PDCD1LG2: variants seen among roughly 807,000 people sequenced by gnomAD.
PDCD1LG2 encodes programmed cell death 1 ligand 2.
In PDCD1LG2, 32 loss-of-function variants were observed where a neutral mutation model predicts 28.2. The observed-to-expected ratio is 1.13, with a 90% CI of 0.86 to 1.52. PDCD1LG2 has a LOEUF of 1.52. PDCD1LG2 is among the 40% of genes most tolerant of loss of function. The pLI, the probability that PDCD1LG2 is intolerant of heterozygous loss-of-function variation, is 0.00. For missense variants in PDCD1LG2, 385 were observed against 323.8 expected, an observed-to-expected ratio of 1.19 and a Z score of -1.45; for synonymous variants, 116 against 120.2, an observed-to-expected ratio of 0.97 and a Z score of 0.23.
intron 1 of PDCD1LG2, among the ~76,000 whole-genome samples, 165 bp from the exon 2 acceptor site, chr9:5,522,368 C>A (rs147035034): frequency 6.6e-6 from 1 of 152,168 alleles, no homozygotes; most frequent in Non-Finnish European, 1.5e-5. Context: ...TATATCTTCT[C>A]TTCTCCAGGA....
At chr9:5,532,230 G>C (rs1563824771) in intron 2 of PDCD1LG2, among the ~76,000 whole-genome samples, 3 of 152,170 alleles carry the variant, frequency 2.0e-5, no homozygotes, top group Non-Finnish European at 4.4e-5. Context: ...CCCTGCCCCT[G>C]TGCCCCTCCT....
intron 3 of PDCD1LG2, among the ~76,000 whole-genome samples, chr9:5,540,962 C>T (rs575081151): frequency 4.6e-5 from 7 of 152,252 alleles, no homozygotes; most frequent in Non-Finnish European, 8.8e-5. Flanking sequence ...TAAAAATCCT[C>T]AACAAAATAC....
intron 3 of PDCD1LG2, among the ~76,000 whole-genome samples, chr9:5,547,483 T>C (rs1477837384): frequency 6.6e-6 from 1 of 152,252 alleles, no homozygotes. Context: ...TTTGTTCTTG[T>C]GTCTTCTAGT....
chr9:5,542,517 A>T (rs1820706075), intron 3 of PDCD1LG2, among the ~76,000 whole-genome samples: 2 of 152,210 alleles, frequency 1.3e-5, no homozygotes, highest in Non-Finnish European at 2.9e-5. Flanking sequence ...CCATCAAAAA[A>T]TGGGCTAAGG....
At chr9:5,512,277 C>T (rs1015986439) in intron 1 of PDCD1LG2, among the ~76,000 whole-genome samples, 3 of 152,130 alleles carry the variant, frequency 2.0e-5, no homozygotes, top group African/African-American at 2.4e-5. Flanking sequence ...TAGCTGGGCT[C>T]GATAACCTTC....
chr9:5,519,778 C>T (rs1820239563), intron 1 of PDCD1LG2, among the ~76,000 whole-genome samples: 1 of 152,162 alleles, frequency 6.6e-6, no homozygotes, highest in Non-Finnish European at 1.5e-5. Context: ...CCTTAATTTG[C>T]TTCTCCCCCA....
chr9:5,513,634 A>G (rs1209618233), intron 1 of PDCD1LG2, among the ~76,000 whole-genome samples: 2 of 152,220 alleles, frequency 1.3e-5, no homozygotes, highest in Non-Finnish European at 2.9e-5. Flanking sequence ...ATTTGAACTT[A>G]AATGCTCTAT....
chr9:5,553,795 CT>C (rs954325153), intron 4 of PDCD1LG2, among the ~76,000 whole-genome samples: 1 of 152,150 alleles, frequency 6.6e-6, no homozygotes, highest in African/African-American at 2.4e-5. Context: ...ATGGAGAAAT[CT>C]TTGTGCAGCC....
intron 3 of PDCD1LG2, among the ~76,000 whole-genome samples, chr9:5,540,783 T>G (rs1460639250): frequency 1.3e-5 from 2 of 152,106 alleles, no homozygotes; most frequent in Non-Finnish European, 2.9e-5. Flanking sequence ...CTATCAGACA[T>G]TCAAAGAAGA....
chr9:5,518,073 A>G (rs929490928), intron 1 of PDCD1LG2, among the ~76,000 whole-genome samples: 2 of 152,258 alleles, frequency 1.3e-5, no homozygotes, highest in Non-Finnish European at 2.9e-5. Flanking sequence ...TGAGAAATGC[A>G]GAGGTCTAAG....
chr9:5,547,357 G>A (rs532263833), intron 3 of PDCD1LG2, among the ~76,000 whole-genome samples: 3 of 152,250 alleles, frequency 2.0e-5, no homozygotes, highest in Admixed American at 6.5e-5. Context: ...GGAAGCCAGT[G>A]CTCATCCCCT....
At chr9:5,566,629 A>C (rs562971761) in intron 6 of PDCD1LG2, among the ~76,000 whole-genome samples, 2 of 152,292 alleles carry the variant, frequency 1.3e-5, no homozygotes, top group South Asian at 2.1e-4. Flanking sequence ...GCTGACCCTC[A>C]ATGTACATGG....
At chr9:5,530,403 G>C (rs765920480) in intron 2 of PDCD1LG2, among the ~76,000 whole-genome samples, 2 of 151,058 alleles carry the variant, frequency 1.3e-5, no homozygotes, top group Non-Finnish European at 2.9e-5. Flanking sequence ...TCAATCCTAG[G>C]TTGAAGCTTA....
intron 3 of PDCD1LG2, among the ~76,000 whole-genome samples, chr9:5,537,221 T>C (rs1188483787): frequency 6.6e-6 from 1 of 152,192 alleles, no homozygotes; most frequent in African/African-American, 2.4e-5. Context: ...GATTTACTCA[T>C]ACGAACAAGA....
At chr9:5,513,118 T>C (rs1216064657) in intron 1 of PDCD1LG2, among the ~76,000 whole-genome samples, 2 of 152,250 alleles carry the variant, frequency 1.3e-5, no homozygotes, top group African/African-American at 2.4e-5. Flanking sequence ...TCCTTTGGTA[T>C]TGTCACTTAG....
intron 2 of PDCD1LG2, among the ~76,000 whole-genome samples, chr9:5,532,630 GA>G: frequency 6.6e-6 from 1 of 152,272 alleles, no homozygotes; most frequent in East Asian, 1.9e-4. Context: ...AGAAAAACTT[GA>G]ATCAGAGGAC....
intron 6 of PDCD1LG2, among the ~76,000 whole-genome samples, chr9:5,566,474 G>C (rs73388585): frequency 1.7e-4 from 26 of 152,314 alleles, no homozygotes; most frequent in African/African-American, 6.3e-4. Context: ...AGTGATGCGT[G>C]TTATTTCTGG....
rs561634943 is a variant in PDCD1LG2, at chr9:5,564,069, G to C, written c.816+858G>C. Among the ~76,000 whole-genome samples the C allele has an allele frequency of 4.6e-5, 7 of 152,288 alleles. 1 individual carries two copies. The South Asian group carries it at 1.2e-3, about 27-fold the overall frequency. ...ATCATCACAGGCACCAAGAGATGAG[G>C]GGGGCAGTCTTGGCCATATATTTGG... is the stretch of plus-strand genomic sequence containing the variant. On this transcript the variant is annotated intron_variant, in intron 6 of 6. Coordinates refer to ENST00000397747, the MANE Select transcript of PDCD1LG2 (RefSeq NM_025239.4).
chr9:5,557,065 CA>C (rs938659911), intron 4 of PDCD1LG2, among the ~76,000 whole-genome samples: 1 of 152,148 alleles, frequency 6.6e-6, no homozygotes, highest in African/African-American at 2.4e-5. Flanking sequence ...CTATTTCTTC[CA>C]AAAGGATCCT....
Sources: gnomAD v4.1 joint callset for allele counts (sites outside exome capture counted in the v4.1 genomes callset) on GRCh38, gnomAD v4.1.1 for gene constraint, MANE v1.5 for transcripts, NCBI Gene and HGNC (gene_info 2026-07-23, HGNC 2026-07-21) for gene names.